The following ERO1B variants were observed in gnomAD, a reference collection of about 807,000 sequenced individuals.
ERO1B encodes the protein endoplasmic reticulum oxidoreductase 1 beta.
Under a neutral mutation model 75.3 loss-of-function variants are expected in ERO1B, and 49 were observed. The ratio of observed to expected loss-of-function variants is 0.65; its 90% CI spans 0.52 to 0.83. The LOEUF (loss-of-function observed/expected upper bound fraction) is 0.83, where lower values mean the gene tolerates loss of function less well. Ranked by LOEUF, ERO1B falls within the 40% of genes least tolerant of loss-of-function variation. The pLI, the probability that ERO1B is intolerant of heterozygous loss-of-function variation, is 0.00. For synonymous variants in ERO1B, 191 were observed against 192.9 expected (o/e 0.99, Z 0.08); for missense variants, 512 against 560.1 (o/e 0.91, Z 0.87).
intron 2 of ERO1B, among the ~76,000 whole-genome samples, chr1:236,268,841 G>C (rs371356954): frequency 5.5e-4 from 83 of 152,198 alleles, no homozygotes; most frequent in Middle Eastern, 3.4e-3. Context: ...AGCCGAGATC[G>C]CGCCACTGCA....
intron 3 of ERO1B, among the ~76,000 whole-genome samples, 181 bp downstream of exon 3, chr1:236,253,241 A>C (rs1051698263): frequency 6.6e-6 from 1 of 152,206 alleles, no homozygotes; most frequent in Non-Finnish European, 1.5e-5. Context: ...GTGTCTTCAA[A>C]CCCATTTTGG....
chr1:236,270,799 GA>G (rs1665571384), intron 1 of ERO1B, among the ~76,000 whole-genome samples: 1 of 152,270 alleles, frequency 6.6e-6, no homozygotes, highest in African/African-American at 2.4e-5. Flanking sequence ...CTTTTTAAAT[GA>G]AAAAATTTTA....
At chr1:236,229,987 G>GA (rs1211196459) in intron 10 of ERO1B, among the ~76,000 whole-genome samples, 1 of 152,194 alleles carries the variant, frequency 6.6e-6, no homozygotes, top group African/African-American at 2.4e-5. Flanking sequence ...AACCAGTTAT[G>GA]AAAACCTGAT....
At chr1:236,257,053 T>C (rs1665175614) in intron 2 of ERO1B, among the ~76,000 whole-genome samples, 1 of 152,152 alleles carries the variant, frequency 6.6e-6, no homozygotes, top group African/African-American at 2.4e-5. Context: ...AAAGCACACA[T>C]CTAACATCCC....
rs539982985 is a variant in ERO1B, at chr1:236,232,917, A to C, written c.674-78T>G. 134 of 1,195,282 alleles carry C rather than the reference A, an allele frequency of 1.1e-4. 1 individual carries two copies. In the South Asian group the frequency reaches 2.0e-3, roughly 18 times the overall value. The allele number at this position is 1,195,282 out of a possible 1,614,324, so 74.0% of individuals were successfully genotyped here. A position where few individuals can be genotyped will look rare whatever the true frequency, so the allele number is the denominator to read the frequency against. Reference sequence around the variant, plus strand: ...ATCCCAATACTATTTTTTGAGATTAAAACTGTTAAACTATTAATTATATCA... The same window carrying C: ...ATCCCAATACTATTTTTTGAGATTACAACTGTTAAACTATTAATTATATCA... On this transcript the variant is annotated intron_variant, in intron 8 of 15. Coordinates refer to ENST00000354619, the MANE Select transcript of ERO1B (RefSeq NM_019891.4).
intron 15 of ERO1B, among the ~76,000 whole-genome samples, chr1:236,219,518 T>C (rs1440908777): frequency 6.6e-6 from 1 of 152,220 alleles, no homozygotes. Context: ...AAGAGATGCT[T>C]AAGTTATTTA....
intron 8 of ERO1B, 50 bp from the exon 9 acceptor site, chr1:236,232,889 C>T (rs1664448515): frequency 6.8e-7 from 1 of 1,469,494 alleles, no homozygotes; most frequent in Non-Finnish European, 9.3e-7. Flanking sequence ...TTACATAGCT[C>T]AGATCCCAAT....
intron 1 of ERO1B, among the ~76,000 whole-genome samples, chr1:236,270,543 A>G (rs1437827643): frequency 6.6e-6 from 1 of 152,206 alleles, no homozygotes; most frequent in Non-Finnish European, 1.5e-5. Context: ...ACTTATTCCC[A>G]ATCTATCAGA....
chr1:236,280,967 A>G (rs1665816135), intron 1 of ERO1B, among the ~76,000 whole-genome samples: 1 of 152,118 alleles, frequency 6.6e-6, no homozygotes, highest in Non-Finnish European at 1.5e-5. Context: ...AACACTTGTA[A>G]TCATCGCTTC....
intron 4 of ERO1B, chr1:236,251,441 A>G: frequency 1.0e-6 from 1 of 963,268 alleles, no homozygotes; most frequent in Non-Finnish European, 1.2e-6. Flanking sequence ...AAGCAAAAAT[A>G]AATACAATAA....
chr1:236,256,995 G>A (rs1410447675), intron 2 of ERO1B, among the ~76,000 whole-genome samples: 3 of 152,202 alleles, frequency 2.0e-5, no homozygotes, highest in Non-Finnish European at 4.4e-5. Context: ...CAGAATCAGT[G>A]GGAGATAAAC....
At chr1:236,235,709 G>A (rs1664522458) in intron 8 of ERO1B, 80 bp downstream of exon 8, 2 of 1,252,482 alleles carry the variant, frequency 1.6e-6, no homozygotes, top group Admixed American at 2.3e-5. Context: ...AAAAATGAAA[G>A]TTTTTTCAAT....
chr1:236,227,261 A>T (rs575465515), intron 10 of ERO1B, among the ~76,000 whole-genome samples: 98 of 152,118 alleles, frequency 6.4e-4, no homozygotes, highest in Non-Finnish European at 1.1e-3. Flanking sequence ...CAACTAATTA[A>T]AAAAAGAACA....
chr1:236,248,768 T>C (rs1015541071), intron 5 of ERO1B, among the ~76,000 whole-genome samples: 2 of 152,180 alleles, frequency 1.3e-5, no homozygotes, highest in Non-Finnish European at 2.9e-5. Context: ...TAATTCTTGA[T>C]AGTAGTTACC....
At chr1:236,260,848 CA>C (rs899897740) in intron 2 of ERO1B, among the ~76,000 whole-genome samples, 17 of 124,014 alleles carry the variant, frequency 1.4e-4, no homozygotes, top group African/African-American at 4.8e-4. Flanking sequence ...AAAGACACTA[CA>C]AAAAAATAAA....
At chr1:236,259,132 T>C (rs1665234148) in intron 2 of ERO1B, among the ~76,000 whole-genome samples, 1 of 152,164 alleles carries the variant, frequency 6.6e-6, no homozygotes, top group African/African-American at 2.4e-5. Context: ...AAGTATAGCA[T>C]TTATGCAAGT....
chr1:236,225,490 T>C (rs1664256754), intron 12 of ERO1B, among the ~76,000 whole-genome samples: 1 of 152,252 alleles, frequency 6.6e-6, no homozygotes, highest in Non-Finnish European at 1.5e-5. Flanking sequence ...TTTTTAATCT[T>C]TCTCTTCCAG....
chr1:236,239,789 GTATATATA>G (rs67985500), intron 6 of ERO1B, among the ~76,000 whole-genome samples: 1 of 97,530 alleles, frequency 1.0e-5, no homozygotes, highest in Non-Finnish European at 2.3e-5. Context: ...TCCTCTTCAA[GTATATATA>G]TATATATATG....
At chr1:236,230,319 T>C (rs1664374368) in intron 9 of ERO1B, 69 bp from the exon 10 acceptor site, 4 of 1,390,422 alleles carry the variant, frequency 2.9e-6, no homozygotes, top group Admixed American at 1.9e-5. Context: ...ATTAGGTTTA[T>C]AAAATCTTTC....
Sources: gnomAD v4.1 joint callset for allele counts (sites outside exome capture counted in the v4.1 genomes callset) on GRCh38, gnomAD v4.1.1 for gene constraint, MANE v1.5 for transcripts, NCBI Gene and HGNC (gene_info 2026-07-23, HGNC 2026-07-21) for gene names.